Variants in MYO15B observed in about 807,000 individuals in gnomAD.
MYO15B encodes the protein myosin XVB.
MYO15B carries 207 observed loss-of-function variants against 119.3 expected under a neutral mutation model. The ratio of observed to expected loss-of-function variants is 1.73; its 90% CI spans 1.55 to 1.95. The LOEUF is 1.95. Among genes scored for constraint, MYO15B ranks in the 30% most tolerant of loss-of-function variants. The probability of loss-of-function intolerance (pLI) is 0.00; values close to 1 mark genes in which losing one functional copy is unlikely to be tolerated. For synonymous variants in MYO15B, 966 were observed against 498.9 expected, an observed-to-expected ratio of 1.94 and a Z score of -12.48; for missense variants, 2,264 against 1,203.1, an observed-to-expected ratio of 1.88 and a Z score of -13.04.
chr17:75,592,198 C>G (rs2056512086), intron 6 of MYO15B, 40 bp from the exon 7 acceptor site: 2 of 702,154 alleles, frequency 2.8e-6, no homozygotes, highest in Middle Eastern at 2.3e-4. Flanking sequence ...CCTGGGTGTT[C>G]TGCATCCTGG....
intron 21 of MYO15B, among the ~76,000 whole-genome samples, chr17:75,608,891 G>A (rs1037149600): frequency 1.3e-5 from 2 of 152,092 alleles, no homozygotes; most frequent in East Asian, 3.9e-4. Flanking sequence ...CTGCCACCAT[G>A]CTCAGCTAAT....
chr17:75,620,179 G>A, intron 47 of MYO15B, 67 bp from the exon 48 acceptor site: 1 of 700,042 alleles, frequency 1.4e-6, no homozygotes, highest in African/African-American at 1.7e-5. Flanking sequence ...GGGGGAGCAG[G>A]TGGGCAGGCA....
At position 75,590,898 on chromosome 17, in the gene MYO15B, C is replaced by T. The variant is rs2147696228; in HGVS notation, c.2251-9C>T. ...CCACACTCTGATGAGAGCTTGTTTT[C>T]CTCCCCAGACCTTTGGGGGGCCTGT... On this transcript the variant is annotated splice_polypyrimidine_tract_variant and intron_variant, in intron 2 of 63. Transcript: ENST00000645453. 1 of 443,630 alleles carries T rather than the reference C, an allele frequency of 2.3e-6. No homozygotes were observed. The highest frequency in any genetic ancestry group is 4.2e-5 in the East Asian group (1 of 23,582). 27.5% of individuals were successfully genotyped at this position (443,630 alleles called of 1,614,324 possible).
rs938701459 is a variant in MYO15B at position 75,591,591 on chromosome 17, A to C, written c.2436-10A>C. On this transcript the variant is annotated splice_polypyrimidine_tract_variant and intron_variant, in intron 4 of 63. Coordinates refer to ENST00000645453, the Ensembl canonical transcript of MYO15B. ...CTCCCTGGAGACCCTACCAACCAACACATCCTTAGCTCCTCCCACTGCAGT... is the reference window on the plus strand; with the variant it reads ...CTCCCTGGAGACCCTACCAACCAACCCATCCTTAGCTCCTCCCACTGCAGT... 2.8e-6 allele frequency: 2 copies of C among 702,436 alleles called. No homozygotes were observed. The highest frequency in any genetic ancestry group is 3.5e-5 in the African/African-American group (2 of 57,126). The allele number at this position is 702,436 out of a possible 1,614,324, so 43.5% of individuals were successfully genotyped here.
At chr17:75,609,483 T>A (rs2057868652) in intron 21 of MYO15B, among the ~76,000 whole-genome samples, 1 of 136,826 alleles carries the variant, frequency 7.3e-6, no homozygotes, top group African/African-American at 2.9e-5. Context: ...CTAAGGGAAA[T>A]GATTTTTTTT....
chr17:75,626,046 C>A (rs1411896654), intron 62 of MYO15B, 42 bp from the exon 63 acceptor site: 7 of 698,232 alleles, frequency 1.0e-5, no homozygotes, highest in Non-Finnish European at 1.8e-5. Flanking sequence ...ACAATGACCC[C>A]TCCCCGGAGA....
chr17:75,617,252 G>A (rs930737641), exon 41 of MYO15B: 17 of 689,188 alleles, frequency 2.5e-5, no homozygotes, highest in Admixed American at 8.5e-5. Context: ...CTCCACCAGC[G>A]CCACCACTGC....
intron 19 of MYO15B, among the ~76,000 whole-genome samples, chr17:75,605,236 G>A (rs1171191022): frequency 6.6e-6 from 1 of 151,958 alleles, no homozygotes; most frequent in African/African-American, 2.4e-5. Flanking sequence ...AGGAGATCGA[G>A]ACCATCCTGG....
chr17:75,609,906 G>C (rs555047734), intron 21 of MYO15B, among the ~76,000 whole-genome samples: 1 of 152,166 alleles, frequency 6.6e-6, no homozygotes, highest in East Asian at 1.9e-4. Flanking sequence ...GGCCAGGCTG[G>C]TCTTGAACTC....
At position 75,603,170 on chromosome 17, in the gene MYO15B, T is replaced by C; in HGVS notation, c.3892-18T>C. The C allele has an allele frequency of 1.4e-6, 1 of 703,012 alleles. No individual in the cohort carries two copies. Among genetic ancestry groups the C allele is most frequent in the African/African-American group, 1.7e-5 (1 of 57,328 alleles). The allele number at this position is 703,012 out of a possible 1,614,324, so 43.5% of individuals were successfully genotyped here. A position where few individuals can be genotyped will look rare whatever the true frequency, so the allele number is the denominator to read the frequency against. ...CCCCTTGACTCCAGCTGTCTTTGGC[T>C]CTGTCTTGTGGCCACAGCTTCCAGG... On this transcript the variant is annotated intron_variant, in intron 18 of 63. Transcript: ENST00000645453.
In MYO15B at chr17:75,606,716, G is replaced by A. The variant is rs963705140; in HGVS notation, c.4292+695G>A. On this transcript the variant is annotated intron_variant, in intron 21 of 63. Coordinates refer to ENST00000645453, the Ensembl canonical transcript of MYO15B. ...TCGAACTCCCGACCTCAGGTGATCCGCCCGCCTCAGCCTCCCAAAATGCTG... is the reference window on the plus strand; with the variant it reads ...TCGAACTCCCGACCTCAGGTGATCCACCCGCCTCAGCCTCCCAAAATGCTG... 1.9e-4 allele frequency among the ~76,000 whole-genome samples: 29 copies of A among 152,004 alleles called. 1 individual carries two copies. The highest frequency in any genetic ancestry group is 5.6e-4 in the African/African-American group (23 of 41,364).
chr17:75,610,365 G>A (rs375510172), intron 22 of MYO15B, 106 bp downstream of exon 22: 6 of 570,984 alleles, frequency 1.1e-5, no homozygotes, highest in Middle Eastern at 4.6e-4. Flanking sequence ...GGCCTCGCAC[G>A]GGCTGTGGCT....
intron 22 of MYO15B, 96 bp downstream of exon 22, chr17:75,610,355 G>A (rs1023334440): frequency 8.6e-6 from 5 of 582,664 alleles, no homozygotes; most frequent in Admixed American, 5.8e-5. Context: ...CTCTCAGCCC[G>A]GCCTCGCACG....
At chr17:75,594,210 T>C (rs763446101) in intron 9 of MYO15B, among the ~76,000 whole-genome samples, 2 of 150,446 alleles carry the variant, frequency 1.3e-5, no homozygotes, top group Non-Finnish European at 2.9e-5. Flanking sequence ...TAGGAAGGGT[T>C]ACTGCTTCCC....
At position 75,589,290 on chromosome 17, in the gene MYO15B, G is replaced by A. The variant is rs1367840662; in HGVS notation, c.1233G>A (p.Pro411=). The change falls in exon 1 of 64, where the codon CCG becomes CCA. Residue 411 remains proline (P), a synonymous_variant. Coordinates refer to ENST00000645453, the Ensembl canonical transcript of MYO15B. This position sits in a 1 kb window ranked among gnomAD's most constrained non-coding sequence, Gnocchi z 4.2. ...GCGAGGGGTGGGGCCGCCGGAAACC[G>A]GACGAGGGGCGGGGTCATGGGAGAG... 6.1e-5 allele frequency: 24 copies of A among 394,668 alleles called. No individual in the cohort carries two copies. The East Asian group carries it at 7.9e-4, about 13-fold the overall frequency. The allele number at this position is 394,668 out of a possible 1,614,324, so 24.4% of individuals were successfully genotyped here. A position where few individuals can be genotyped will look rare whatever the true frequency, so the allele number is the denominator to read the frequency against.
chr17:75,595,124 G>A (rs1016537071), intron 12 of MYO15B, 152 bp downstream of exon 12: 8 of 616,270 alleles, frequency 1.3e-5, no homozygotes, highest in Non-Finnish European at 2.3e-5. Flanking sequence ...GCATCTGCTG[G>A]GCTGAGCCTG....
rs1166940652 is a variant in MYO15B, at chr17:75,593,907, G to A, written c.2992-568G>A. Among the ~76,000 whole-genome samples the A allele has an allele frequency of 2.9e-5, 4 of 136,740 alleles. 1 individual carries two copies. The South Asian group carries it at 7.2e-4, about 25-fold the overall frequency. 89.7% of individuals were successfully genotyped at this position (136,740 alleles called of 152,430 possible). On this transcript the variant is annotated intron_variant, in intron 9 of 63. Transcript: ENST00000645453. ...GCACTCCAGCCTGAGCAACAAGAGC[G>A]AGACTCAGTCTCAGAAGAAAAAAAA...
At chr17:75,626,005 G>T (rs1250674384) in intron 62 of MYO15B, 28 bp downstream of exon 62, 1 of 699,454 alleles carries the variant, frequency 1.4e-6, no homozygotes, top group Admixed American at 2.0e-5. Context: ...CTCAGCACTG[G>T]CCTAGGGACC....
rs902598609 is a variant in MYO15B at position 75,589,666 on chromosome 17, G to A, written c.1609G>A (p.Glu537Lys). The change falls in exon 1 of 64, where the codon GAG becomes AAG. Residue 537 changes from glutamate (E) to lysine (K), a missense_variant. By Grantham distance (56) the Glu-to-Lys change is moderately conservative (BLOSUM62 1). Coordinates refer to ENST00000645453, the Ensembl canonical transcript of MYO15B. The surrounding 1 kb of genome is among the most constrained non-coding windows in gnomAD (Gnocchi z 4.2). ...CGGCGACCCTTTTGATCAGGAGGAC[G>A]AGACTCCAGATCCCAAGTTCGCGGT... The A allele has an allele frequency of 6.5e-5, 26 of 398,930 alleles. No individual in the cohort carries two copies. The highest frequency in any genetic ancestry group is 6.3e-4 in the Middle Eastern group (1 of 1,590). 24.7% of individuals were successfully genotyped at this position (398,930 alleles called of 1,614,324 possible).
Sources: gnomAD v4.1 joint callset for allele counts (sites outside exome capture counted in the v4.1 genomes callset) on GRCh38, gnomAD v4.1.1 for gene constraint, Gnocchi (gnomAD v3.1) non-coding constraint, MANE v1.5 for transcripts, NCBI Gene and HGNC (gene_info 2026-07-23, HGNC 2026-07-21) for gene names.